The following MAP4 variants were observed in gnomAD, a reference collection of about 807,000 sequenced individuals.
The protein encoded by MAP4 is microtubule associated protein 4, also known as microtubule-associated protein 4.
MAP4 carries 76 observed loss-of-function variants against 170.2 expected under a neutral mutation model. The ratio of observed to expected loss-of-function variants is 0.45; its 90% CI spans 0.37 to 0.54. MAP4 has a LOEUF of 0.54. Among genes scored for constraint, MAP4 ranks in the 20% least tolerant of loss-of-function variants. The pLI is 0.00. For missense variants in MAP4, 2,506 were observed against 2,748.0 expected, an observed-to-expected ratio of 0.91 and a Z score of 1.97; for synonymous variants, 909 against 994.5, an observed-to-expected ratio of 0.91 and a Z score of 1.62.
upstream of MAP4, among the ~76,000 whole-genome samples, chr3:48,019,515 T>C (rs1353458840): frequency 1.3e-5 from 2 of 152,192 alleles, no homozygotes; most frequent in Non-Finnish European, 2.9e-5. Flanking sequence ...GACTTAGTGC[T>C]GAGGAGATTG....
At chr3:47,960,316 A>G (rs2154166404) in intron 3 of MAP4, 1 of 226,448 alleles carries the variant, frequency 4.4e-6, no homozygotes, top group Admixed American at 4.1e-5. Context: ...AATCACTGGT[A>G]AAAGTTTATT....
chr3:47,889,853 G>C (rs1179741765), intron 10 of MAP4, among the ~76,000 whole-genome samples: 1 of 151,644 alleles, frequency 6.6e-6, no homozygotes, highest in African/African-American at 2.4e-5. Flanking sequence ...AGAAATCAAA[G>C]AGGAACTATT....
rs139797326 is a variant in MAP4 at position 47,872,069 on chromosome 3, C to T, written c.5789G>A (p.Arg1930Gln). 15 of 1,613,194 alleles carry T rather than the reference C, an allele frequency of 9.3e-6. No individual in the cohort carries two copies. The East Asian group carries it at 1.3e-4, about 14-fold the overall frequency. The change falls in exon 13 of 21, where the codon CGG becomes CAG. Residue 1930 changes from arginine (R) to glutamine (Q), a missense_variant. Coordinates refer to ENST00000683076, the MANE Select transcript of MAP4 (RefSeq NM_001385682.1). The part of the protein sequence containing the change: ...PIADAKAPEK[R>Q]ASPSKPASAP... ...AGAAGCTGGCTTGGATGGTGAGGCCCGCTTCTCAGGAGCCTTTGCATCTGC... is the reference window on the plus strand; with the variant it reads ...AGAAGCTGGCTTGGATGGTGAGGCCTGCTTCTCAGGAGCCTTTGCATCTGC...
rs1358909364 is a variant in MAP4, at chr3:48,077,972, C to G, written c.-20+10801G>C. ...GTATGATTCCATTAATATGGAATGT[C>G]CAGAACAGACAGGAAGATGATTAGT... On this transcript the variant is annotated intron_variant, in intron 1 of 18. Transcript: ENST00000360240. Among the ~76,000 whole-genome samples the G allele has an allele frequency of 6.6e-5, 10 of 152,154 alleles. No homozygotes were observed. The East Asian group carries it at 1.9e-3, about 29-fold the overall frequency.
At chr3:47,989,524 A>G (rs1037698772) in intron 2 of MAP4, among the ~76,000 whole-genome samples, 5 of 152,226 alleles carry the variant, frequency 3.3e-5, no homozygotes, top group African/African-American at 1.2e-4. Flanking sequence ...TCAACCACCT[A>G]TAGAATAACT....
intron 1 of MAP4, among the ~76,000 whole-genome samples, chr3:48,015,463 C>T (rs2100107322): frequency 6.6e-6 from 1 of 152,172 alleles, no homozygotes; most frequent in African/African-American, 2.4e-5. Flanking sequence ...GCTCATTCCT[C>T]AGGCTTGAAA....
chr3:47,858,644 GTA>G (rs1247402689), intron 17 of MAP4, among the ~76,000 whole-genome samples: 3 of 144,208 alleles, frequency 2.1e-5, no homozygotes, highest in South Asian at 2.2e-4. Context: ...GTGTGTGTGT[GTA>G]ATCATAGTAT....
At chr3:47,973,689 C>T (rs761964845) in intron 3 of MAP4, 34 of 985,226 alleles carry the variant, frequency 3.5e-5, no homozygotes, top group Non-Finnish European at 4.0e-5. Flanking sequence ...CTTCTCCACC[C>T]ATAACTTAGA....
intron 3 of MAP4, among the ~76,000 whole-genome samples, chr3:47,928,838 A>C (rs543035836): frequency 6.6e-5 from 10 of 152,200 alleles, no homozygotes; most frequent in Admixed American, 5.2e-4. Flanking sequence ...AAAAAAAAAA[A>C]AGCCAGCCTA....
chr3:48,046,922 G>A (rs528877191), intron 1 of MAP4, among the ~76,000 whole-genome samples: 11 of 151,422 alleles, frequency 7.3e-5, no homozygotes, highest in African/African-American at 1.9e-4. Context: ...GTTAAACCCC[G>A]TCTCTACTAA....
chr3:48,004,541 G>A lies in MAP4; in HGVS notation c.-19-5662C>T, dbSNP rs367651397. Among the ~76,000 whole-genome samples the A allele has an allele frequency of 9.2e-5, 14 of 152,348 alleles. No individual in the cohort carries two copies. The East Asian group carries it at 2.7e-3, about 29-fold the overall frequency. On this transcript the variant is annotated intron_variant, in intron 1 of 20. Coordinates refer to ENST00000683076, the MANE Select transcript of MAP4 (RefSeq NM_001385682.1). ...AGATACTGAGTCTCAAATCTGCTAA[G>A]ATTGCCCTGAGTGAGAGTCTTAGCT...
intron 3 of MAP4, among the ~76,000 whole-genome samples, chr3:47,957,485 A>G (rs1042518740): frequency 1.3e-5 from 2 of 151,966 alleles, no homozygotes; most frequent in Non-Finnish European, 2.9e-5. Flanking sequence ...AAAAAGATGT[A>G]TTTTTAAAAT....
At chr3:48,032,359 G>A (rs921420773) in intron 1 of MAP4, among the ~76,000 whole-genome samples, 1 of 151,916 alleles carries the variant, frequency 6.6e-6, no homozygotes, top group African/African-American at 2.4e-5. Context: ...AAAATTAGAT[G>A]GGCATGGTGG....
chr3:47,853,322 A>T lies in MAP4; in HGVS notation c.6727T>A (p.Cys2243Ser), dbSNP rs2047587757. ...TEGGGSEAPL[C>S]PGPPAGEEPA... ...TCCTCCCCAGCAGGGGGACCCGGAC[A>T]CAGAGGAGCCTCGCTGCCACCGCCC... The change falls in exon 20 of 21, where the codon TGT becomes AGT. Residue 2243 changes from cysteine to serine, a missense_variant. By Grantham distance (112) the Cys-to-Ser change is moderately radical. This residue lies in a region of MAP4 where 487 missense variants were observed against 511.6 expected (regional missense o/e 0.95). Transcript: ENST00000683076. 6.2e-7 allele frequency: 1 copy of T among 1,610,442 alleles called. No homozygotes were observed. The highest frequency in any genetic ancestry group is 8.5e-7 in the Non-Finnish European group (1 of 1,179,450).
chr3:47,882,955 C>T (rs930584560), intron 10 of MAP4, among the ~76,000 whole-genome samples: 6 of 151,696 alleles, frequency 4.0e-5, no homozygotes, highest in African/African-American at 7.3e-5. Flanking sequence ...TACACGTGTG[C>T]GCTACCATGC....
At chr3:48,016,895 G>C (rs968929549), upstream of MAP4, among the ~76,000 whole-genome samples, 1 of 151,758 alleles carries the variant, frequency 6.6e-6, no homozygotes, top group Non-Finnish European at 1.5e-5. Flanking sequence ...TCCTAACTCA[G>C]CCTCCTGAGT....
At chr3:47,922,273 A>T (rs1347561648) in intron 4 of MAP4, among the ~76,000 whole-genome samples, 1 of 152,130 alleles carries the variant, frequency 6.6e-6, no homozygotes, top group African/African-American at 2.4e-5. Context: ...TCCTATGATG[A>T]ATATAGATGA....
At chr3:48,002,257 A>AG (rs2100099610) in intron 1 of MAP4, among the ~76,000 whole-genome samples, 1 of 148,182 alleles carries the variant, frequency 6.7e-6, no homozygotes, top group Non-Finnish European at 1.5e-5. Flanking sequence ...GAAAAAAAAA[A>AG]GAAAAAAAAA....
intron 1 of MAP4, among the ~76,000 whole-genome samples, chr3:48,079,683 G>C (rs2100145626): frequency 6.6e-6 from 1 of 152,066 alleles, no homozygotes; most frequent in South Asian, 2.1e-4. Context: ...GGGTGCGGTG[G>C]CTCACACCTG....
Sources: allele counts gnomAD v4.1 joint callset (sites outside exome capture counted in the v4.1 genomes callset), GRCh38; gene constraint gnomAD v4.1.1; regional missense constraint gnomAD v4.1.1; transcripts MANE v1.5; gene names NCBI Gene and HGNC (gene_info 2026-07-23, HGNC 2026-07-21).